SERPINB12: variants seen among roughly 807,000 people sequenced by gnomAD.
SERPINB12 encodes the protein serpin B12.
Under a neutral mutation model 41.1 loss-of-function variants are expected in SERPINB12, and 57 were observed. The observed-to-expected ratio is 1.39, with a 90% CI of 1.12 to 1.73. The LOEUF (loss-of-function observed/expected upper bound fraction) is 1.73, where lower values mean the gene tolerates loss of function less well. SERPINB12 is among the 40% of genes most tolerant of loss of function. The pLI is 0.00. For missense variants in SERPINB12, 536 were observed against 501.9 expected (o/e 1.07, Z -0.65); for synonymous variants, 180 against 181.3 (o/e 0.99, Z 0.06).
chr18:63,537,379 C>T (rs762677679), upstream of SERPINB12, among the ~76,000 whole-genome samples: 3 of 152,104 alleles, frequency 2.0e-5, no homozygotes, highest in African/African-American at 7.2e-5. Flanking sequence ...TGGGTTTTCT[C>T]TTTTGGTAAA....
At position 63,566,759 on chromosome 18, in the gene SERPINB12, CTT is replaced by C; in HGVS notation, c.1028_1029del (p.Phe343Ter). On this transcript the variant is annotated frameshift_variant, in exon 8 of 8. Coordinates refer to ENST00000382768, the MANE Select transcript of SERPINB12 (RefSeq NM_001307928.2). LOFTEE classifies it high-confidence loss of function. ...ILQDMGITDI[F>X]DETRADLTGI... ...TACAAGACATGGGCATTACGGATAT[CTT>C]TGATGAAACGAGGGCTGATCTTACT... The C allele has an allele frequency of 6.2e-7, 1 of 1,614,148 alleles. No homozygotes were observed. Among genetic ancestry groups the C allele is most frequent in the Non-Finnish European group, 8.5e-7 (1 of 1,180,022 alleles).
At chr18:63,542,257 C>T (rs1441902329), upstream of SERPINB12, among the ~76,000 whole-genome samples, 2 of 152,168 alleles carry the variant, frequency 1.3e-5, no homozygotes, top group Non-Finnish European at 2.9e-5. Context: ...ATCACTTTAA[C>T]TTAAAATTCA....
chr18:63,542,967 T>C (rs1910304889), intron 1 of SERPINB12, among the ~76,000 whole-genome samples: 1 of 152,158 alleles, frequency 6.6e-6, no homozygotes, highest in African/African-American at 2.4e-5. Flanking sequence ...GCAAAGGACA[T>C]GATCTTGTTC....
chr18:63,529,871 T>G, the SERPINB12 span, among the ~76,000 whole-genome samples: 2 of 152,342 alleles, frequency 1.3e-5, no homozygotes, highest in South Asian at 4.1e-4. Context: ...TAAAGAACTC[T>G]TATTAATCAT....
chr18:63,550,359 G>T (rs763221145), intron 1 of SERPINB12, among the ~76,000 whole-genome samples: 1 of 152,090 alleles, frequency 6.6e-6, no homozygotes, highest in Non-Finnish European at 1.5e-5. Context: ...TTCCCTAAAT[G>T]CATCTGGGGC....
the SERPINB12 span, among the ~76,000 whole-genome samples, chr18:63,531,303 A>G: frequency 6.6e-6 from 1 of 152,188 alleles, no homozygotes; most frequent in Non-Finnish European, 1.5e-5. Context: ...TGGATTACTA[A>G]TTTGTGCCAA....
intron 7 of SERPINB12, 136 bp downstream of exon 7, chr18:63,565,748 AATTAG>A (rs1911079811): frequency 1.5e-6 from 1 of 653,256 alleles, no homozygotes; most frequent in South Asian, 3.4e-5. Context: ...TAAGAATCTG[AATTAG>A]ATTAGATATT....
Position 63,567,092 on chromosome 18 carries a change from T to C in SERPINB12, c.*81T>C. The stretch of plus-strand genomic sequence containing the variant: ...CCCTGGCATAAGATGGGCATTTGAG[T>C]TTTTGGTAATATCTAAAGCATCTCC... On this transcript the variant is annotated 3_prime_UTR_variant, in exon 8 of 8. Coordinates refer to ENST00000382768, the MANE Select transcript of SERPINB12 (RefSeq NM_001307928.2). 7.3e-7 allele frequency: 1 copy of C among 1,364,460 alleles called. No individual in the cohort carries two copies. The highest frequency in any genetic ancestry group is 9.9e-7 in the Non-Finnish European group (1 of 1,005,448). The allele number at this position is 1,364,460 out of a possible 1,614,324, so 84.5% of individuals were successfully genotyped here. A position where few individuals can be genotyped will look rare whatever the true frequency, so the allele number is the denominator to read the frequency against.
At chr18:63,531,062 T>C in the SERPINB12 span, among the ~76,000 whole-genome samples, 1 of 152,190 alleles carries the variant, frequency 6.6e-6, no homozygotes, top group Non-Finnish European at 1.5e-5. Context: ...ACCTAAATCT[T>C]TCATTACAAC....
At chr18:63,554,874 G>T (rs1480736482) in intron 1 of SERPINB12, among the ~76,000 whole-genome samples, 1 of 152,174 alleles carries the variant, frequency 6.6e-6, no homozygotes, top group Non-Finnish European at 1.5e-5. Context: ...GGATCATGGA[G>T]GAAGTTTCCC....
chr18:63,530,099 C>T, the SERPINB12 span, among the ~76,000 whole-genome samples: 364 of 152,250 alleles, frequency 2.4e-3, 2 homozygotes, highest in Non-Finnish European at 3.6e-3. Flanking sequence ...TACATGACTT[C>T]CTTCATTGGT....
At chr18:63,559,039 T>TTTCC (rs1910793570) in intron 3 of SERPINB12, among the ~76,000 whole-genome samples, 1 of 34,720 alleles carries the variant, frequency 2.9e-5, no homozygotes, top group Non-Finnish European at 9.6e-5. Flanking sequence ...TCTTTCTTTC[T>TTTCC]TTCTTTCTTT....
the SERPINB12 span, among the ~76,000 whole-genome samples, chr18:63,531,135 G>A: frequency 6.6e-6 from 1 of 152,206 alleles, no homozygotes; most frequent in Admixed American, 6.5e-5. Flanking sequence ...AACCCCAGAT[G>A]CTCAAGAGAA....
At chr18:63,536,554 A>G in the SERPINB12 span, among the ~76,000 whole-genome samples, 1 of 152,164 alleles carries the variant, frequency 6.6e-6, no homozygotes, top group Admixed American at 6.6e-5. Context: ...TCTTTCTTAT[A>G]GAGAGAAGAT....
chr18:63,519,652 A>G, the SERPINB12 span, among the ~76,000 whole-genome samples: 212 of 152,230 alleles, frequency 1.4e-3, 1 homozygote, highest in Non-Finnish European at 6.2e-4. Flanking sequence ...ATGTTAGGGA[A>G]CTAGGTCTTC....
At chr18:63,523,681 A>C in the SERPINB12 span, among the ~76,000 whole-genome samples, 2 of 152,246 alleles carry the variant, frequency 1.3e-5, no homozygotes, top group Non-Finnish European at 2.9e-5. Context: ...ATCAAGTTAT[A>C]CTGGAAGAAA....
the SERPINB12 span, among the ~76,000 whole-genome samples, chr18:63,524,117 G>GA: frequency 2.0e-5 from 3 of 151,328 alleles, no homozygotes; most frequent in Non-Finnish European, 4.4e-5. Context: ...AGAATTAAAA[G>GA]AAAAACTTTT....
At chr18:63,539,835 C>T (rs987991351), upstream of SERPINB12, among the ~76,000 whole-genome samples, 19 of 152,102 alleles carry the variant, frequency 1.2e-4, no homozygotes, top group Admixed American at 1.2e-3. Context: ...TTGTGCACAA[C>T]TTTTACAAAA....
the SERPINB12 span, among the ~76,000 whole-genome samples, chr18:63,533,139 G>A: frequency 6.6e-5 from 10 of 151,968 alleles, no homozygotes; most frequent in African/African-American, 1.5e-4. Flanking sequence ...CACCATGCCT[G>A]GCTAATTCTT....
Sources: gnomAD v4.1 joint callset for allele counts (sites outside exome capture counted in the v4.1 genomes callset) on GRCh38, gnomAD v4.1.1 for gene constraint, MANE v1.5 for transcripts, NCBI Gene and HGNC (gene_info 2026-07-23, HGNC 2026-07-21) for gene names.